UBQLN1: variants seen among roughly 807,000 people sequenced by gnomAD.
UBQLN1 encodes the protein ubiquilin-1.
A neutral mutation model predicts 65.4 loss-of-function variants in UBQLN1; 13 were observed. That is an observed-to-expected ratio of 0.20 (90% CI 0.13 to 0.32). The LOEUF is 0.32. Among genes scored for constraint, UBQLN1 ranks in the 10% least tolerant of loss-of-function variants. UBQLN1 has a pLI of 1.00. For synonymous variants in UBQLN1, 267 were observed against 247.8 expected (o/e 1.08, Z -0.73); for missense variants, 561 against 724.0 (o/e 0.77, Z 2.58).
chr9:83,670,405 C>T (rs1587640668), intron 6 of UBQLN1, among the ~76,000 whole-genome samples: 1 of 151,936 alleles, frequency 6.6e-6, no homozygotes, highest in East Asian at 1.9e-4. Context: ...ATCCTAGAGT[C>T]CAACCTTGGA....
chr9:83,683,729 CTT>C (rs1434068950), intron 2 of UBQLN1, among the ~76,000 whole-genome samples: 2 of 151,670 alleles, frequency 1.3e-5, no homozygotes, highest in East Asian at 3.9e-4. Context: ...ATATAAAAAA[CTT>C]TTTTATCTTG....
chr9:83,694,591 T>C (rs1832178947), intron 1 of UBQLN1, among the ~76,000 whole-genome samples: 1 of 152,234 alleles, frequency 6.6e-6, no homozygotes, highest in Non-Finnish European at 1.5e-5. Context: ...AATGTTAGTG[T>C]ATCGTTCAGA....
intron 4 of UBQLN1, among the ~76,000 whole-genome samples, chr9:83,679,317 T>G (rs887489966): frequency 6.6e-6 from 1 of 152,212 alleles, no homozygotes; most frequent in African/African-American, 2.4e-5. Context: ...GCTCAGCTCA[T>G]GAGAACACTC....
At chr9:83,666,146 T>A (rs1198742342) in intron 8 of UBQLN1, among the ~76,000 whole-genome samples, 1 of 152,218 alleles carries the variant, frequency 6.6e-6, no homozygotes, top group Non-Finnish European at 1.5e-5. Context: ...TTCCTCAGAA[T>A]GTATGTTTAA....
At chr9:83,681,950 G>A (rs2131163670) in intron 3 of UBQLN1, among the ~76,000 whole-genome samples, 1 of 152,250 alleles carries the variant, frequency 6.6e-6, no homozygotes, top group East Asian at 1.9e-4. Flanking sequence ...TTACAAACCG[G>A]TAAAAAGCGT....
At chr9:83,685,733 G>A (rs1832029814) in intron 2 of UBQLN1, among the ~76,000 whole-genome samples, 2 of 151,834 alleles carry the variant, frequency 1.3e-5, no homozygotes, top group Non-Finnish European at 2.9e-5. Context: ...TAAAAGAAAA[G>A]CTAAAAACTT....
At chr9:83,701,031 C>T (rs2131188376) in intron 1 of UBQLN1, among the ~76,000 whole-genome samples, 1 of 152,228 alleles carries the variant, frequency 6.6e-6, no homozygotes, top group South Asian at 2.1e-4. Context: ...TTATTGGAGC[C>T]ACTACCCGAT....
At chr9:83,686,489 C>A (rs10122131) in intron 1 of UBQLN1, among the ~76,000 whole-genome samples, 29,697 of 151,874 alleles carry the variant, frequency 0.2, 3,114 homozygotes, top group African/African-American at 0.25. Flanking sequence ...ATGATTATTA[C>A]TTCATCTCTA....
intron 1 of UBQLN1, among the ~76,000 whole-genome samples, chr9:83,705,807 G>A (rs1246362299): frequency 6.6e-6 from 1 of 151,726 alleles, no homozygotes; most frequent in Non-Finnish European, 1.5e-5. Context: ...CAACAAAGAC[G>A]AAACTCAAAA....
At chr9:83,691,477 T>C (rs1177080152) in intron 1 of UBQLN1, among the ~76,000 whole-genome samples, 1 of 152,190 alleles carries the variant, frequency 6.6e-6, no homozygotes, top group African/African-American at 2.4e-5. Flanking sequence ...CTCCTAACCA[T>C]GAGTTGTCAG....
intron 6 of UBQLN1, among the ~76,000 whole-genome samples, chr9:83,677,363 G>A (rs920992871): frequency 3.3e-5 from 5 of 152,186 alleles, no homozygotes; most frequent in African/African-American, 1.2e-4. Context: ...AGGAGTTCAA[G>A]ACCAGCCTGA....
Position 83,672,031 on chromosome 9 carries a change from G to A in UBQLN1, c.1106-2704C>T, listed in dbSNP as rs149120187. 4.1e-4 allele frequency among the ~76,000 whole-genome samples: 62 copies of A among 152,268 alleles called. 1 individual carries two copies. Among genetic ancestry groups the A allele is most frequent in the African/African-American group, 1.5e-3 (61 of 41,544 alleles). On this transcript the variant is annotated intron_variant, in intron 6 of 10. Coordinates refer to ENST00000376395, the MANE Select transcript of UBQLN1 (RefSeq NM_013438.5). ...CTTGTACCTTTACATTATGGAGTTG[G>A]CTTCTTTCCTTAAACATAAGCCAGT...
At chr9:83,674,095 C>T (rs1003305367) in intron 6 of UBQLN1, among the ~76,000 whole-genome samples, 2 of 152,006 alleles carry the variant, frequency 1.3e-5, no homozygotes. Flanking sequence ...CACCATGCCA[C>T]ACCTGGCCTC....
chr9:83,668,464 G>T (rs1198666857), intron 7 of UBQLN1: 1 of 985,104 alleles, frequency 1.0e-6, no homozygotes, highest in Non-Finnish European at 1.2e-6. Flanking sequence ...CTGTGGTATG[G>T]AACCTAGATA....
chr9:83,671,956 ATCT>A (rs1012621867), intron 6 of UBQLN1, among the ~76,000 whole-genome samples: 1 of 152,168 alleles, frequency 6.6e-6, no homozygotes, highest in African/African-American at 2.4e-5. Flanking sequence ...ATCTTAGGAG[ATCT>A]TCTGGATAAC....
chr9:83,698,570 A>G (rs967203878), intron 1 of UBQLN1, among the ~76,000 whole-genome samples: 1 of 152,184 alleles, frequency 6.6e-6, no homozygotes, highest in African/African-American at 2.4e-5. Flanking sequence ...AGATCAATGG[A>G]TTTTTAAAAT....
chr9:83,676,086 T>A (rs1285411383), intron 6 of UBQLN1, among the ~76,000 whole-genome samples: 1 of 152,194 alleles, frequency 6.6e-6, no homozygotes, highest in Non-Finnish European at 1.5e-5. Flanking sequence ...CTTCCTTACA[T>A]TCTAGAGTAG....
At chr9:83,670,738 C>G (rs899387633) in intron 6 of UBQLN1, among the ~76,000 whole-genome samples, 1 of 152,146 alleles carries the variant, frequency 6.6e-6, no homozygotes, top group Non-Finnish European at 1.5e-5. Flanking sequence ...GCAGAACTTT[C>G]AAAATTGGAG....
chr9:83,705,067 G>A (rs1458417350), intron 1 of UBQLN1, among the ~76,000 whole-genome samples: 1 of 152,160 alleles, frequency 6.6e-6, no homozygotes, highest in East Asian at 1.9e-4. Context: ...AAAGAGATCC[G>A]AGAGCTTTAA....
Sources: allele counts gnomAD v4.1 joint callset (sites outside exome capture counted in the v4.1 genomes callset), GRCh38; gene constraint gnomAD v4.1.1; transcripts MANE v1.5; gene names NCBI Gene and HGNC (gene_info 2026-07-23, HGNC 2026-07-21).